MTNR1A: variants seen among roughly 807,000 people sequenced by gnomAD.
The protein encoded by MTNR1A is melatonin receptor type 1A.
In MTNR1A, 7 loss-of-function variants were observed where a neutral mutation model predicts 5.5. The ratio of observed to expected loss-of-function variants is 1.28; its 90% CI spans 0.73 to 2.40. The LOEUF (loss-of-function observed/expected upper bound fraction) is 2.40, where lower values mean the gene tolerates loss of function less well. Ranked by LOEUF, MTNR1A falls within the 30% of genes most tolerant of loss-of-function variation. The probability of loss-of-function intolerance (pLI) is 0.00; values close to 1 mark genes in which losing one functional copy is unlikely to be tolerated. For missense variants in MTNR1A, 441 were observed against 464.4 expected (o/e 0.95, Z 0.46); for synonymous variants, 196 against 202.7 (o/e 0.97, Z 0.28).
rs117279319 is a variant in MTNR1A, at chr4:186,538,589, C to A, written c.185-4032G>T. Reference sequence around the variant, plus strand: ...GTCCCTCCTCCCAGGTTCTAGCTTCCCCTGCGTCCCCTCCTAACATCCAGC... The same window carrying A: ...GTCCCTCCTCCCAGGTTCTAGCTTCACCTGCGTCCCCTCCTAACATCCAGC... On this transcript the variant is annotated intron_variant, in intron 1 of 1. Transcript: ENST00000307161. Among the ~76,000 whole-genome samples the A allele has an allele frequency of 3.5e-4, 54 of 152,296 alleles. 1 individual carries two copies. In the East Asian group the frequency reaches 9.1e-3, roughly 26 times the overall value.
intron 1 of MTNR1A, among the ~76,000 whole-genome samples, chr4:186,546,749 G>A (rs949336819): frequency 3.1e-5 from 4 of 129,246 alleles, no homozygotes; most frequent in Non-Finnish European, 4.8e-5. Context: ...CACACCATCC[G>A]CCTCGCTCCC....
chr4:186,552,481 A>T (rs1737284125), intron 1 of MTNR1A, among the ~76,000 whole-genome samples: 1 of 152,268 alleles, frequency 6.6e-6, no homozygotes, highest in South Asian at 2.1e-4. Flanking sequence ...GTTTTATTTA[A>T]GTATAATGTA....
intron 1 of MTNR1A, among the ~76,000 whole-genome samples, chr4:186,536,239 G>C (rs1182458488): frequency 6.6e-6 from 1 of 151,944 alleles, no homozygotes; most frequent in Admixed American, 6.6e-5. Context: ...CCAACTACTT[G>C]GAAGGCTGAG....
At chr4:186,551,356 T>C (rs1448784541) in intron 1 of MTNR1A, among the ~76,000 whole-genome samples, 4 of 152,210 alleles carry the variant, frequency 2.6e-5, no homozygotes, top group Middle Eastern at 3.4e-3. Flanking sequence ...GGGAATTAGA[T>C]TCTAAACCTT....
chr4:186,555,477 TCCTCCACGCCGCGCC>T lies in MTNR1A; in HGVS notation c.-127_-113del. 1.2e-6 allele frequency: 1 copy of T among 822,522 alleles called. No individual in the cohort carries two copies. Among genetic ancestry groups the T allele is most frequent in the Admixed American group, 4.8e-5 (1 of 20,952 alleles). 51.0% of individuals were successfully genotyped at this position (822,522 alleles called of 1,614,324 possible). Reference sequence around the variant, plus strand: ...CGCGCCCACGCCCCATCCCGCGCGCTCCTCCACGCCGCGCCCCCGGACGCCCACGCCGCGCCGGAC... The same window carrying T: ...CGCGCCCACGCCCCATCCCGCGCGCTCCCGGACGCCCACGCCGCGCCGGAC... On this transcript the variant is annotated 5_prime_UTR_variant, in exon 1 of 2. Coordinates refer to ENST00000307161, the MANE Select transcript of MTNR1A (RefSeq NM_005958.4). The surrounding 1 kb of genome is among the most constrained non-coding windows in gnomAD (Gnocchi z 4.1).
Position 186,533,833 on chromosome 4 carries a change from C to T in MTNR1A, c.909G>A (p.Arg303=). ...IIYGLLNQNF[R]KEYRRIIVSL... ...AGACTATAATTCTCCTGTATTCCTT[C>T]CTGAAATTTTGGTTCAGTAGCCCGT... Residue 303 remains arginine (R), a synonymous_variant, in exon 2 of 2, where the codon AGG becomes AGA. Coordinates refer to ENST00000307161, the MANE Select transcript of MTNR1A (RefSeq NM_005958.4). 6.2e-7 allele frequency: 1 copy of T among 1,614,190 alleles called. No individual in the cohort carries two copies. Among genetic ancestry groups the T allele is most frequent in the Non-Finnish European group, 8.5e-7 (1 of 1,180,046 alleles).
At position 186,534,287 on chromosome 4, in the gene MTNR1A, C is replaced by T; in HGVS notation, c.455G>A (p.Trp152Ter). The change falls in exon 2 of 2, where the codon TGG (tryptophan) becomes TAG (stop). Residue 152 changes from tryptophan to a stop codon, truncating the protein, a stop_gained. Coordinates refer to ENST00000307161, the MANE Select transcript of MTNR1A (RefSeq NM_005958.4). LOFTEE classifies it low-confidence loss of function (END_TRUNC). The part of the protein sequence containing the change: ...KNSLCYVLLI[W>*]LLTLAAVLPN... ...CAGGACGGCCGCCAGCGTCAGGAGC[C>T]ATATGAGGAGCACGTAGCAGAGGGA... 1 of 1,614,168 alleles carries T rather than the reference C, an allele frequency of 6.2e-7. No homozygotes were observed. The highest frequency in any genetic ancestry group is 8.5e-7 in the Non-Finnish European group (1 of 1,180,034).
intron 1 of MTNR1A, among the ~76,000 whole-genome samples, chr4:186,539,563 C>G (rs914910240): frequency 6.6e-6 from 1 of 152,172 alleles, no homozygotes; most frequent in Non-Finnish European, 1.5e-5. Flanking sequence ...GGAGCCCTTA[C>G]AGATAAGATT....
At chr4:186,545,078 C>G (rs898823289) in intron 1 of MTNR1A, among the ~76,000 whole-genome samples, 3 of 152,178 alleles carry the variant, frequency 2.0e-5, no homozygotes, top group Admixed American at 6.5e-5. Flanking sequence ...CTGCTCTCCT[C>G]TCTTTCTTAC....
chr4:186,552,890 G>A (rs959101162), intron 1 of MTNR1A, among the ~76,000 whole-genome samples: 1 of 152,220 alleles, frequency 6.6e-6, no homozygotes, highest in Non-Finnish European at 1.5e-5. Flanking sequence ...CGAATATTCT[G>A]TTGGCACCAC....
At chr4:186,537,349 T>C (rs1410252566) in intron 1 of MTNR1A, among the ~76,000 whole-genome samples, 1 of 152,196 alleles carries the variant, frequency 6.6e-6, no homozygotes, top group African/African-American at 2.4e-5. Flanking sequence ...ATCATCTAAT[T>C]ATAATTATAC....
intron 1 of MTNR1A, among the ~76,000 whole-genome samples, chr4:186,541,597 C>T (rs547428412): frequency 1.2e-4 from 18 of 152,186 alleles, no homozygotes; most frequent in Non-Finnish European, 2.1e-4. Context: ...AGGAGGTGAG[C>T]AGCATATGAG....
chr4:186,541,431 A>G (rs72716205), intron 1 of MTNR1A, among the ~76,000 whole-genome samples: 28,261 of 150,912 alleles, frequency 0.19, 3,303 homozygotes, highest in East Asian at 0.58. Flanking sequence ...GGTCAGCTAG[A>G]TTCATGGGCA....
intron 1 of MTNR1A, among the ~76,000 whole-genome samples, chr4:186,544,508 T>C (rs906150335): frequency 6.6e-6 from 1 of 152,256 alleles, no homozygotes; most frequent in Admixed American, 6.5e-5. Flanking sequence ...GAATGAATAC[T>C]TCTGCATCAC....
Position 186,533,708 on chromosome 4 carries a change from A to G in MTNR1A, c.1034T>C (p.Val345Ala). Residue 345 changes from valine (V) to alanine (A), a missense_variant, in exon 2 of 2, where the codon GTA becomes GCA. By Grantham distance (64) the Val-to-Ala change is moderately conservative (BLOSUM62 0). Coordinates refer to ENST00000307161, the MANE Select transcript of MTNR1A (RefSeq NM_005958.4). ...GCTTTTTTAAACGGAGTCCACCTTTACTACATTATTGTTGGTCATCAGTGG... is the reference window on the plus strand; with the variant it reads ...GCTTTTTTAAACGGAGTCCACCTTTGCTACATTATTGTTGGTCATCAGTGG... ...PSPLMTNNNV[V>A]KVDSV 1 of 1,614,136 alleles carries G rather than the reference A, an allele frequency of 6.2e-7. No homozygotes were observed. The highest frequency in any genetic ancestry group is 8.5e-7 in the Non-Finnish European group (1 of 1,180,036).
In MTNR1A at chr4:186,534,253, G is replaced by A; in HGVS notation, c.489C>T (p.Leu163=). Residue 163 remains leucine (L), a synonymous_variant, in exon 2 of 2, where the codon CTC becomes CTT. Transcript: ENST00000307161. Reference sequence around the variant, plus strand: ...GGTCGTACTGGAGAGTCCCTGCACGGAGGTTGGGCAGGACGGCCGCCAGCG... The same window carrying A: ...GGTCGTACTGGAGAGTCCCTGCACGAAGGTTGGGCAGGACGGCCGCCAGCG... The part of the protein sequence containing the change: ...LLTLAAVLPN[L]RAGTLQYDPR... 6.2e-7 allele frequency: 1 copy of A among 1,614,174 alleles called. No homozygotes were observed. The highest frequency in any genetic ancestry group is 1.1e-5 in the South Asian group (1 of 91,078).
chr4:186,540,195 C>G (rs1736979367), intron 1 of MTNR1A, among the ~76,000 whole-genome samples: 1 of 152,160 alleles, frequency 6.6e-6, no homozygotes, highest in Non-Finnish European at 1.5e-5. Context: ...TCAATTACCT[C>G]CCACCAGGTC....
rs775674720 is a variant in MTNR1A, at chr4:186,534,368, C to T, written c.374G>A (p.Arg125His). 6.2e-7 allele frequency: 1 copy of T among 1,614,084 alleles called. No homozygotes were observed. The highest frequency in any genetic ancestry group is 8.5e-7 in the Non-Finnish European group (1 of 1,180,010). ...GAGACTGTGGCAGATGTAGCAGTAG[C>T]GGTTGATGGCGATGCCGGTGATGTT... ...IFNITGIAIN[R>H]YCYICHSLKY... The change falls in exon 2 of 2, where the codon CGC becomes CAC. Residue 125 changes from arginine (R) to histidine (H), a missense_variant. Arg to His is a conservative substitution (Grantham distance 29). Coordinates refer to ENST00000307161, the MANE Select transcript of MTNR1A (RefSeq NM_005958.4).
At chr4:186,545,370 G>T (rs539292930) in intron 1 of MTNR1A, among the ~76,000 whole-genome samples, 10 of 152,168 alleles carry the variant, frequency 6.6e-5, no homozygotes, top group African/African-American at 2.4e-4. Context: ...TTCCAATATT[G>T]AGGCAACATG....
Sources: allele counts gnomAD v4.1 joint callset (sites outside exome capture counted in the v4.1 genomes callset), GRCh38; gene constraint gnomAD v4.1.1; non-coding constraint Gnocchi (gnomAD v3.1); transcripts MANE v1.5; gene names NCBI Gene and HGNC (gene_info 2026-07-23, HGNC 2026-07-21).